The following MEGF11 variants were observed in gnomAD, a reference collection of about 807,000 sequenced individuals.
MEGF11 encodes the protein multiple epidermal growth factor-like domains protein 11.
A neutral mutation model predicts 146.6 loss-of-function variants in MEGF11; 126 were observed. That is an observed-to-expected ratio of 0.86 (90% CI 0.74 to 1.00). The LOEUF is 1.00. Among genes scored for constraint, MEGF11 ranks in the 50% least tolerant of loss-of-function variants. The probability of loss-of-function intolerance (pLI) is 0.00; values close to 1 mark genes in which losing one functional copy is unlikely to be tolerated. For missense variants in MEGF11, 1,509 were observed against 1,521.2 expected (o/e 0.99, Z 0.13); for synonymous variants, 532 against 583.4 (o/e 0.91, Z 1.27).
intron 24 of MEGF11, 151 bp downstream of exon 24, chr15:65,905,934 A>G (rs1268573348): frequency 7.7e-6 from 4 of 517,624 alleles, no homozygotes; most frequent in East Asian, 3.2e-5. Context: ...GGGCACAGCT[A>G]CCCAACAGCC....
rs150047040 is a variant in MEGF11, at chr15:65,947,640, C to T, written c.1287+9907G>A. 2.4e-3 allele frequency among the ~76,000 whole-genome samples: 370 copies of T among 152,326 alleles called. 1 individual carries two copies. The highest frequency in any genetic ancestry group is 0.01 in the Middle Eastern group (3 of 294). On this transcript the variant is annotated intron_variant, in intron 10 of 25. Coordinates refer to ENST00000395614, the MANE Select transcript of MEGF11 (RefSeq NM_001385028.1). ...TTCTCCAGACCTTTCAGGGAGGCTTCTCTGATTTGTGGCCCTATCCCTGCC... is the reference window on the plus strand; with the variant it reads ...TTCTCCAGACCTTTCAGGGAGGCTTTTCTGATTTGTGGCCCTATCCCTGCC...
intron 5 of MEGF11, among the ~76,000 whole-genome samples, chr15:66,062,894 G>C (rs984741764): frequency 1.3e-5 from 2 of 152,186 alleles, no homozygotes; most frequent in African/African-American, 4.8e-5. Context: ...AGGAGATGAG[G>C]TTGAGTGGCA....
At chr15:66,195,549 C>A (rs147032953) in intron 1 of MEGF11, among the ~76,000 whole-genome samples, 3 of 152,246 alleles carry the variant, frequency 2.0e-5, no homozygotes, top group African/African-American at 7.2e-5. Flanking sequence ...GGAGAGGAAC[C>A]GAGAAGAAGG....
chr15:66,025,192 C>G lies in MEGF11; in HGVS notation c.395-42704G>C, dbSNP rs137969737. On this transcript the variant is annotated intron_variant, in intron 5 of 25. Coordinates refer to ENST00000395614, the MANE Select transcript of MEGF11 (RefSeq NM_001385028.1). ...TCTCTTCCAGCAAGTCTATGCAAAA[C>G]CTGGGCCAGTGCCCAAGAGAAGGGG... Among the ~76,000 whole-genome samples, 61 of 152,332 alleles carry G rather than the reference C, an allele frequency of 4.0e-4. 2 individuals are homozygous for G. In the East Asian group the frequency reaches 0.01, roughly 26 times the overall value.
chr15:65,934,941 T>C (rs1481517091), intron 10 of MEGF11, among the ~76,000 whole-genome samples: 1 of 152,168 alleles, frequency 6.6e-6, no homozygotes, highest in Non-Finnish European at 1.5e-5. Flanking sequence ...TAAATGTGTT[T>C]CCCTGAATTC....
intron 4 of MEGF11, among the ~76,000 whole-genome samples, chr15:66,098,795 C>T (rs548573342): frequency 1.3e-5 from 2 of 152,348 alleles, no homozygotes; most frequent in Admixed American, 1.3e-4. Flanking sequence ...GTGATTCTGC[C>T]ATGCCCAAGG....
intron 1 of MEGF11, among the ~76,000 whole-genome samples, chr15:66,253,131 C>T (rs1238957797): frequency 6.6e-6 from 1 of 152,236 alleles, no homozygotes; most frequent in Non-Finnish European, 1.5e-5. Flanking sequence ...TGCTGCGTCC[C>T]CGCAGGCTCT....
At chr15:66,112,854 CAAAT>C (rs1337944549) in intron 4 of MEGF11, among the ~76,000 whole-genome samples, 1 of 152,050 alleles carries the variant, frequency 6.6e-6, no homozygotes, top group Non-Finnish European at 1.5e-5. Context: ...AAGCATAAGA[CAAAT>C]AAAGCATAGG....
chr15:66,088,899 T>A (rs774854029), intron 5 of MEGF11, among the ~76,000 whole-genome samples: 4 of 152,230 alleles, frequency 2.6e-5, no homozygotes, highest in Admixed American at 6.5e-5. Flanking sequence ...GATGAAAAAG[T>A]TCTGAAGATG....
chr15:66,099,624 GA>G (rs1468203193), intron 4 of MEGF11, among the ~76,000 whole-genome samples: 4 of 152,232 alleles, frequency 2.6e-5, no homozygotes, highest in Admixed American at 6.5e-5. Context: ...CCCTTCTGTA[GA>G]ATGGCTGTTG....
At chr15:66,003,924 C>T (rs372377602) in intron 5 of MEGF11, among the ~76,000 whole-genome samples, 5 of 152,206 alleles carry the variant, frequency 3.3e-5, no homozygotes, top group East Asian at 1.9e-4. Context: ...GCTAGACCTC[C>T]GACAAGGCAA....
chr15:66,151,180 G>A (rs947678532), intron 1 of MEGF11, among the ~76,000 whole-genome samples: 1 of 152,070 alleles, frequency 6.6e-6, no homozygotes, highest in African/African-American at 2.4e-5. Context: ...TAAAACACAG[G>A]CTGCATGCGG....
chr15:65,930,622 A>C (rs2079543555), intron 11 of MEGF11, among the ~76,000 whole-genome samples: 1 of 152,144 alleles, frequency 6.6e-6, no homozygotes, highest in East Asian at 1.9e-4. Context: ...ACAACATTGC[A>C]ATGAATCCCC....
At chr15:65,917,809 A>T (rs767625425) in intron 16 of MEGF11, among the ~76,000 whole-genome samples, 157 bp downstream of exon 16, 1 of 133,908 alleles carries the variant, frequency 7.5e-6, no homozygotes, top group Non-Finnish European at 1.8e-5. Context: ...ATAATCCATC[A>T]TGTTAGCTAT....
chr15:65,993,364 C>G (rs2082111844), intron 5 of MEGF11, among the ~76,000 whole-genome samples: 1 of 152,166 alleles, frequency 6.6e-6, no homozygotes, highest in African/African-American at 2.4e-5. Flanking sequence ...CTCCCCTCCA[C>G]CCACAGGCTT....
At chr15:66,182,182 G>A (rs1246353225) in intron 1 of MEGF11, among the ~76,000 whole-genome samples, 3 of 152,090 alleles carry the variant, frequency 2.0e-5, no homozygotes, top group East Asian at 1.9e-4. Flanking sequence ...CGGGACCAAC[G>A]GCAAATAGAG....
intron 15 of MEGF11, among the ~76,000 whole-genome samples, chr15:65,921,247 A>G (rs1232226982): frequency 6.6e-6 from 1 of 152,210 alleles, no homozygotes; most frequent in African/African-American, 2.4e-5. Flanking sequence ...TTTCTTGCAT[A>G]GATGACCTTG....
chr15:66,010,570 C>T (rs1053286768), intron 5 of MEGF11, among the ~76,000 whole-genome samples: 10 of 152,182 alleles, frequency 6.6e-5, no homozygotes, highest in Non-Finnish European at 1.5e-4. Context: ...GCATGCGGCC[C>T]ATGGACTGCA....
intron 13 of MEGF11, 99 bp from the exon 14 acceptor site, chr15:65,923,068 A>ACTATGCTTGCCTCC: frequency 3.1e-6 from 4 of 1,296,240 alleles, no homozygotes; most frequent in Non-Finnish European, 4.2e-6. Context: ...AGGTGGAGGC[A>ACTATGCTTGCCTCC]AGCATAGTGC....
Sources: gnomAD v4.1 joint callset for allele counts (sites outside exome capture counted in the v4.1 genomes callset) on GRCh38, gnomAD v4.1.1 for gene constraint, MANE v1.5 for transcripts, NCBI Gene and HGNC (gene_info 2026-07-23, HGNC 2026-07-21) for gene names.